BRINP1: variants seen among roughly 807,000 people sequenced by gnomAD.
The protein encoded by BRINP1 is BMP/retinoic acid-inducible neural-specific protein 1.
In BRINP1, 17 loss-of-function variants were observed where a neutral mutation model predicts 72.9. The observed-to-expected ratio is 0.23, with a 90% CI of 0.16 to 0.35. The LOEUF (loss-of-function observed/expected upper bound fraction) is 0.35. Among genes scored for constraint, BRINP1 ranks in the 10% least tolerant of loss-of-function variants. BRINP1 has a pLI of 1.00. For synonymous variants in BRINP1, 418 were observed against 378.5 expected (o/e 1.10, Z -1.21); for missense variants, 850 against 1,001.6 (o/e 0.85, Z 2.04).
rs113535959 is a variant in BRINP1, at chr9:119,368,108, T to G, written c.-51+948A>C. Reference sequence around the variant, plus strand: ...AAGTCCCCGAGGACGCTTTCTCCTTTCCCCTGAGGGGGATCCATGCAAACT... The same window carrying G: ...AAGTCCCCGAGGACGCTTTCTCCTTGCCCCTGAGGGGGATCCATGCAAACT... On this transcript the variant is annotated intron_variant, in intron 1 of 7. Transcript: ENST00000265922. This position sits in a 1 kb window ranked among gnomAD's most constrained non-coding sequence, Gnocchi z 4.7. Among the ~76,000 whole-genome samples, 4 of 152,282 alleles carry G rather than the reference T, an allele frequency of 2.6e-5. No homozygotes were observed. Among genetic ancestry groups the G allele is most frequent in the African/African-American group, 9.6e-5 (4 of 41,572 alleles).
intron 5 of BRINP1, among the ~76,000 whole-genome samples, chr9:119,229,155 G>A (rs1830123247): frequency 6.6e-6 from 1 of 152,000 alleles, no homozygotes; most frequent in South Asian, 2.1e-4. Flanking sequence ...GATTTGCTGA[G>A]TTCCTGACTA....
At chr9:119,336,566 G>A (rs1383853195) in intron 1 of BRINP1, among the ~76,000 whole-genome samples, 2 of 152,178 alleles carry the variant, frequency 1.3e-5, no homozygotes, top group Non-Finnish European at 2.9e-5. Flanking sequence ...GTGGGAGAGA[G>A]AGTGTGTGCT....
At chr9:119,349,651 G>C (rs368764552) in intron 1 of BRINP1, among the ~76,000 whole-genome samples, 2 of 152,248 alleles carry the variant, frequency 1.3e-5, no homozygotes, top group African/African-American at 4.8e-5. Flanking sequence ...TTCTATTTCA[G>C]CCCCTCAAAG....
chr9:119,170,952 G>A (rs1829401196), intron 7 of BRINP1, among the ~76,000 whole-genome samples: 1 of 142,916 alleles, frequency 7.0e-6, no homozygotes, highest in African/African-American at 2.8e-5. Context: ...GTCACCACCA[G>A]GCCTGCCCTA....
Position 119,169,791 on chromosome 9 carries a change from G to C in BRINP1, c.1146-1567C>G, listed in dbSNP as rs555308790. 8.9e-3 allele frequency among the ~76,000 whole-genome samples: 1,350 copies of C among 152,298 alleles called. 21 individuals carry two copies. The highest frequency in any genetic ancestry group is 0.011 in the Non-Finnish European group (727 of 68,026). ...GCATGCAGCTGGAGATCTGAGAACG[G>C]GCAGACTGCCTCCTCAAGTGGGTCC... On this transcript the variant is annotated intron_variant, in intron 7 of 7. Coordinates refer to ENST00000265922, the MANE Select transcript of BRINP1 (RefSeq NM_014618.3).
chr9:119,265,594 C>T (rs1300917765), intron 2 of BRINP1, among the ~76,000 whole-genome samples: 2 of 152,112 alleles, frequency 1.3e-5, no homozygotes, highest in Non-Finnish European at 2.9e-5. Context: ...AAGACTCCAT[C>T]TCAATTACCA....
chr9:119,238,701 C>T lies in BRINP1; in HGVS notation c.639G>A (p.Val213=). The change falls in exon 5 of 8, where the codon GTG becomes GTA. Residue 213 remains valine, a synonymous_variant. Coordinates refer to ENST00000265922, the MANE Select transcript of BRINP1 (RefSeq NM_014618.3). ...CCGTGCTTTGCAGAAGGACGGAACT[C>T]ACAGAGTCCAGATTGTCATAGCTGT... ...GCNSYDNLDS[V]SSVLLQSTES... 1.2e-6 allele frequency: 2 copies of T among 1,612,762 alleles called. No homozygotes were observed. Among genetic ancestry groups the T allele is most frequent in the East Asian group, 2.2e-5 (1 of 44,700 alleles).
intron 2 of BRINP1, among the ~76,000 whole-genome samples, chr9:119,311,486 C>A (rs1323566752): frequency 6.6e-6 from 1 of 151,882 alleles, no homozygotes; most frequent in African/African-American, 2.4e-5. Flanking sequence ...GGCTCAGAAT[C>A]CTGCCTGGTC....
intron 3 of BRINP1, among the ~76,000 whole-genome samples, chr9:119,246,969 G>A (rs1443497367): frequency 2.0e-5 from 3 of 152,162 alleles, no homozygotes; most frequent in Non-Finnish European, 2.9e-5. Context: ...AATAGGAGAG[G>A]AACAAGGCTC....
At chr9:119,217,546 T>C (rs1829991031) in intron 5 of BRINP1, among the ~76,000 whole-genome samples, 1 of 152,066 alleles carries the variant, frequency 6.6e-6, no homozygotes, top group African/African-American at 2.4e-5. Context: ...AATAATCTTG[T>C]TATAATTTAA....
intron 2 of BRINP1, among the ~76,000 whole-genome samples, chr9:119,286,408 G>A (rs1416011592): frequency 1.3e-5 from 2 of 151,994 alleles, no homozygotes; most frequent in Non-Finnish European, 2.9e-5. Flanking sequence ...AATTCTTTTT[G>A]TATTTTTAGT....
intron 3 of BRINP1, among the ~76,000 whole-genome samples, chr9:119,242,976 TTTC>T (rs897681512): frequency 1.0e-5 from 1 of 96,822 alleles, no homozygotes; most frequent in Non-Finnish European, 2.0e-5. Flanking sequence ...ATGTTTCTTT[TTTC>T]TTTTTTTTTT....
At chr9:119,172,857 A>G (rs1588153456) in intron 7 of BRINP1, among the ~76,000 whole-genome samples, 2 of 151,856 alleles carry the variant, frequency 1.3e-5, no homozygotes, top group African/African-American at 4.9e-5. Context: ...AATCCAGCAT[A>G]TAAACAGAGA....
chr9:119,167,011 GT>G lies in BRINP1; in HGVS notation c.*72del. 7.0e-7 allele frequency: 1 copy of G among 1,431,666 alleles called. No individual in the cohort carries two copies. The highest frequency in any genetic ancestry group is 9.3e-7 in the Non-Finnish European group (1 of 1,070,294). The allele number at this position is 1,431,666 out of a possible 1,614,324, so 88.7% of individuals were successfully genotyped here. On this transcript the variant is annotated 3_prime_UTR_variant, in exon 8 of 8. Transcript: ENST00000265922. The surrounding 1 kb of genome is among the most constrained non-coding windows in gnomAD (Gnocchi z 4.3). The stretch of plus-strand genomic sequence containing the variant: ...TTTACAAATTTTTGTGGGTTTTTTT[GT>G]TTTGTTTTGCTTCATTTTGTTCTGT...
intron 5 of BRINP1, among the ~76,000 whole-genome samples, chr9:119,226,939 G>A (rs974859158): frequency 6.6e-6 from 1 of 151,854 alleles, no homozygotes; most frequent in African/African-American, 2.4e-5. Flanking sequence ...AGTGGATCTG[G>A]GTTCAAATTC....
chr9:119,234,861 C>T (rs969467970), intron 5 of BRINP1, among the ~76,000 whole-genome samples: 30 of 152,136 alleles, frequency 2.0e-4, no homozygotes, highest in African/African-American at 6.0e-4. Flanking sequence ...TTTCTGAATC[C>T]CCATAATGCC....
At position 119,214,058 on chromosome 9, in the gene BRINP1, C is replaced by T. The variant is rs757876376; in HGVS notation, c.783G>A (p.Gln261=). The change falls in exon 6 of 8, where the codon CAG becomes CAA. Residue 261 remains glutamine (Q), a synonymous_variant. Transcript: ENST00000265922. ...MCNGEGEYLC[Q]NSQCRCQCAE... ...CACATTGGCAGCGACACTGGCTGTT[C>T]TGGCACAGGTACTCCCCCTCCCCAT... 6.2e-7 allele frequency: 1 copy of T among 1,614,168 alleles called. No homozygotes were observed. The highest frequency in any genetic ancestry group is 1.1e-5 in the South Asian group (1 of 91,084).
intron 1 of BRINP1, among the ~76,000 whole-genome samples, chr9:119,361,941 TTACA>T (rs1831638671): frequency 6.6e-6 from 1 of 151,442 alleles, no homozygotes; most frequent in African/African-American, 2.4e-5. Context: ...GTAGCTGGGA[TTACA>T]AGCACACGCC....
At chr9:119,288,123 G>A (rs1564239241) in intron 2 of BRINP1, among the ~76,000 whole-genome samples, 1 of 152,306 alleles carries the variant, frequency 6.6e-6, no homozygotes, top group South Asian at 2.1e-4. Flanking sequence ...ATGGGTAGGA[G>A]GCTGTTAAAT....
Sources: gnomAD v4.1 joint callset for allele counts (sites outside exome capture counted in the v4.1 genomes callset) on GRCh38, gnomAD v4.1.1 for gene constraint, Gnocchi (gnomAD v3.1) non-coding constraint, MANE v1.5 for transcripts, NCBI Gene and HGNC (gene_info 2026-07-23, HGNC 2026-07-21) for gene names.